FADS2: variants seen among roughly 807,000 people sequenced by gnomAD.
The protein encoded by FADS2 is fatty acid desaturase 2, also known as acyl-CoA 6-desaturase.
FADS2 carries 18 observed loss-of-function variants against 61.2 expected under a neutral mutation model. That is an observed-to-expected ratio of 0.29 (90% CI 0.20 to 0.44). FADS2 has a LOEUF of 0.44. Among genes scored for constraint, FADS2 ranks in the 20% least tolerant of loss-of-function variants. FADS2 has a pLI of 1.00. For missense variants in FADS2, 322 were observed against 572.7 expected (o/e 0.56, Z 4.47); for synonymous variants, 203 against 223.9 (o/e 0.91, Z 0.83).
chr11:61,857,374 T>C, intron 6 of FADS2, 80 bp from the exon 7 acceptor site: 2 of 1,313,900 alleles, frequency 1.5e-6, no homozygotes, highest in Admixed American at 1.7e-5. Flanking sequence ...CTGCACTCAG[T>C]GCTGGGCCTG....
chr11:61,866,544 G>A lies in FADS2; in HGVS notation c.*855G>A, dbSNP rs1194323190. 2.0e-5 allele frequency: 3 copies of A among 152,416 alleles called. No individual in the cohort carries two copies. The highest frequency in any genetic ancestry group is 6.5e-5 in the Admixed American group (1 of 15,286). 9.4% of individuals were successfully genotyped at this position (152,416 alleles called of 1,614,324 possible). A position where few individuals can be genotyped will look rare whatever the true frequency, so the allele number is the denominator to read the frequency against. On this transcript the variant is annotated 3_prime_UTR_variant, in exon 12 of 12. Transcript: ENST00000278840. ...CAGCTTTTCCTCAGGGTGTCCTGAGGTCCAAGATTCTGGAGCAATCTGACC... is the reference window on the plus strand; with the variant it reads ...CAGCTTTTCCTCAGGGTGTCCTGAGATCCAAGATTCTGGAGCAATCTGACC...
chr11:61,827,696 G>C (rs1456764100), upstream of FADS2: 2 of 152,246 alleles, frequency 1.3e-5, 1 homozygote, highest in African/African-American at 4.8e-5. The surrounding 1 kb of genome is among the most constrained non-coding windows in gnomAD (Gnocchi z 4.5). Context: ...GCTTTGTGTC[G>C]GCATCAGGTG....
intron 7 of FADS2, chr11:61,862,609 G>C (rs1490799631): frequency 1.0e-5 from 3 of 293,386 alleles, no homozygotes; most frequent in Non-Finnish European, 2.0e-5. Context: ...ACAGGACTGG[G>C]GGACGGTTGG....
At chr11:61,833,098 A>T (rs2067142008) in intron 1 of FADS2, among the ~76,000 whole-genome samples, 1 of 152,204 alleles carries the variant, frequency 6.6e-6, no homozygotes, top group East Asian at 1.9e-4. Context: ...CAAAGAGCGA[A>T]GTGTGACAAG....
At chr11:61,840,556 C>G (rs755499580) in intron 3 of FADS2, 25 bp downstream of exon 3, 1 of 1,613,744 alleles carries the variant, frequency 6.2e-7, no homozygotes. Flanking sequence ...CCTCACTTCC[C>G]CTAGCTGACA....
intron 4 of FADS2, among the ~76,000 whole-genome samples, chr11:61,844,511 A>G (rs534885481): frequency 1.3e-5 from 2 of 150,768 alleles, no homozygotes; most frequent in Non-Finnish European, 3.0e-5. Context: ...ATCGTGCCAC[A>G]GCCCTCCAGC....
chr11:61,861,387 C>T (rs1431657933), intron 7 of FADS2, among the ~76,000 whole-genome samples: 1 of 111,780 alleles, frequency 8.9e-6, no homozygotes, highest in Non-Finnish European at 1.9e-5. Context: ...ATTAGCTACT[C>T]GGGAGGCTGA....
intron 7 of FADS2, chr11:61,862,610 G>T (rs1199612614): frequency 6.8e-6 from 2 of 294,154 alleles, no homozygotes; most frequent in African/African-American, 4.4e-5. Flanking sequence ...CAGGACTGGG[G>T]GACGGTTGGG....
intron 5 of FADS2, among the ~76,000 whole-genome samples, chr11:61,851,764 G>A (rs2067308989): frequency 6.6e-6 from 1 of 152,216 alleles, no homozygotes. Context: ...CCTGCCAAGC[G>A]GCTCCCAGCA....
upstream of FADS2, among the ~76,000 whole-genome samples, chr11:61,823,379 A>G (rs965627647): frequency 5.9e-5 from 9 of 152,190 alleles, no homozygotes; most frequent in Admixed American, 2.6e-4. Context: ...GTCCACCTCT[A>G]TGGGTTTCGG....
At chr11:61,827,852 C>T (rs1176410674), upstream of FADS2, 1 of 183,404 alleles carries the variant, frequency 5.5e-6, no homozygotes, top group Non-Finnish European at 1.0e-5. The surrounding 1 kb of genome is among the most constrained non-coding windows in gnomAD (Gnocchi z 4.5). Flanking sequence ...ACGTAGCCTG[C>T]CTCGCAGCAG....
intron 1 of FADS2, among the ~76,000 whole-genome samples, chr11:61,817,366 G>A (rs1000571303): frequency 2.0e-5 from 3 of 152,182 alleles, no homozygotes; most frequent in Non-Finnish European, 4.4e-5. Context: ...TGTGCTGCCC[G>A]AAGTAGCAGC....
chr11:61,865,033 C>A lies in FADS2; in HGVS notation c.1158-119C>A. 8.1e-7 allele frequency: 1 copy of A among 1,232,826 alleles called. No individual in the cohort carries two copies. The highest frequency in any genetic ancestry group is 1.1e-6 in the Non-Finnish European group (1 of 879,118). The allele number at this position is 1,232,826 out of a possible 1,614,324, so 76.4% of individuals were successfully genotyped here. ...CGAGGAGCCACACTTTGAGACTGGT[C>A]CTGGCTGTGGACAGGGTCTCTGAGG... On this transcript the variant is annotated intron_variant, in intron 10 of 11. Coordinates refer to ENST00000278840, the MANE Select transcript of FADS2 (RefSeq NM_004265.4). The surrounding 1 kb of genome is among the most constrained non-coding windows in gnomAD (Gnocchi z 4.1).
chr11:61,835,745 C>G (rs2067168551), intron 1 of FADS2, among the ~76,000 whole-genome samples: 1 of 152,124 alleles, frequency 6.6e-6, no homozygotes, highest in Non-Finnish European at 1.5e-5. Flanking sequence ...GTTGAAGGAA[C>G]AAGCAAACAC....
At chr11:61,834,587 C>T (rs2135957170) in intron 1 of FADS2, among the ~76,000 whole-genome samples, 1 of 152,310 alleles carries the variant, frequency 6.6e-6, no homozygotes, top group Admixed American at 6.5e-5. Context: ...GAGTTGGAAC[C>T]TCGACTGCAG....
At chr11:61,842,539 G>A (rs1284001258) in intron 4 of FADS2, among the ~76,000 whole-genome samples, 1 of 152,236 alleles carries the variant, frequency 6.6e-6, no homozygotes, top group Non-Finnish European at 1.5e-5. Flanking sequence ...AGGGGCCCCA[G>A]AGCACGGCTG....
At chr11:61,863,143 C>T (rs539383116) in intron 8 of FADS2, 74 bp downstream of exon 8, 18 of 1,486,928 alleles carry the variant, frequency 1.2e-5, no homozygotes, top group East Asian at 4.5e-5. Context: ...AGAAGAGGCT[C>T]GGACGGCTCC....
chr11:61,853,335 T>C lies in FADS2; in HGVS notation c.745-3676T>C, dbSNP rs535824642. 1.3e-4 allele frequency among the ~76,000 whole-genome samples: 10 copies of C among 74,648 alleles called. No homozygotes were observed. In the East Asian group the frequency reaches 4.4e-3, roughly 33 times the overall value. The allele number at this position is 74,648 out of a possible 152,430, so 49.0% of individuals were successfully genotyped here. On this transcript the variant is annotated intron_variant, in intron 5 of 11. Coordinates refer to ENST00000278840, the MANE Select transcript of FADS2 (RefSeq NM_004265.4). ...TCCTTCCTTCCTTCCTTCCTTCCTTTCCTTCTTTCTTTCTAATCTGGATGT... is the reference window on the plus strand; with the variant it reads ...TCCTTCCTTCCTTCCTTCCTTCCTTCCCTTCTTTCTTTCTAATCTGGATGT...
chr11:61,841,453 A>G (rs763396778), intron 4 of FADS2, among the ~76,000 whole-genome samples: 2 of 150,866 alleles, frequency 1.3e-5, no homozygotes, highest in Non-Finnish European at 3.0e-5. Context: ...AATCCCAGCC[A>G]CCTGGGAGGC....
Sources: gnomAD v4.1 joint callset for allele counts (sites outside exome capture counted in the v4.1 genomes callset) on GRCh38, gnomAD v4.1.1 for gene constraint, Gnocchi (gnomAD v3.1) non-coding constraint, MANE v1.5 for transcripts, NCBI Gene and HGNC (gene_info 2026-07-23, HGNC 2026-07-21) for gene names.